The following CXorf58 variants were observed in gnomAD, a reference collection of about 807,000 sequenced individuals.
The protein encoded by CXorf58 is chromosome X open reading frame 58, also known as uncharacterized protein CXorf58.
CXorf58 carries 24 observed loss-of-function variants against 26.0 expected under a neutral mutation model. The ratio of observed to expected loss-of-function variants is 0.92; its 90% CI spans 0.67 to 1.30. CXorf58 has a LOEUF of 1.30. Among genes scored for constraint, CXorf58 ranks in the 50% most tolerant of loss-of-function variants. The pLI is 0.00. For missense variants in CXorf58, 236 were observed against 263.9 expected (o/e 0.89, Z 0.73); for synonymous variants, 87 against 86.1 (o/e 1.01, Z -0.06).
At chrX:23,925,590 C>T (rs779639093) in intron 5 of CXorf58, among the ~76,000 whole-genome samples, 17 of 108,670 alleles carry the variant, frequency 1.6e-4, no homozygotes, top group African/African-American at 1.0e-4. Context: ...TCAGGCGATC[C>T]GCCTGCCTCG....
Position 23,911,953 on chromosome X carries a change from C to CATTTTT in CXorf58, c.216+97_216+98insATTTTT. 9.0e-6 allele frequency: 4 copies of CATTTTT among 446,815 alleles called. No homozygotes were observed. The East Asian group carries it at 1.9e-4, about 21-fold the overall frequency. 36.8% of individuals were successfully genotyped at this position (446,815 alleles called of 1,213,427 possible). On this transcript the variant is annotated intron_variant, in intron 3 of 8. Coordinates refer to ENST00000379211, the MANE Select transcript of CXorf58 (RefSeq NM_152761.3). ...GAATAGATAACCTTCTTTATCTCCTCTTTTTTTTTTTTTTTTGAGAGGGAG... is the reference window on the plus strand; with the variant it reads ...GAATAGATAACCTTCTTTATCTCCTCATTTTTTTTTTTTTTTTTTTTTGAGAGGGAG...
At chrX:23,936,790 A>G (rs1261628122) in intron 7 of CXorf58, among the ~76,000 whole-genome samples, 1 of 111,835 alleles carries the variant, frequency 8.9e-6, no homozygotes. Flanking sequence ...GATCAAGGCT[A>G]TACATTTGCC....
intron 6 of CXorf58, among the ~76,000 whole-genome samples, chrX:23,930,113 C>T (rs149477289): frequency 0.033 from 3,004 of 92,412 alleles, 46 homozygotes; most frequent in Non-Finnish European, 0.047. Flanking sequence ...AGGAGAATGG[C>T]GTGAACCCAG....
chrX:23,916,585 T>C (rs893241138), intron 5 of CXorf58: 17 of 223,655 alleles, frequency 7.6e-5, no homozygotes, highest in Middle Eastern at 1.5e-3. Context: ...GTATTAAAAT[T>C]TTTATTTGTT....
intron 8 of CXorf58, 25 bp downstream of exon 8, chrX:23,938,725 A>G: frequency 9.5e-7 from 1 of 1,055,717 alleles, no homozygotes; most frequent in Non-Finnish European, 1.3e-6. Flanking sequence ...TACTGAATTC[A>G]TTGTTTTGGA....
chrX:23,911,872 A>G lies in CXorf58; in HGVS notation c.216+16A>G, dbSNP rs1260345897. On this transcript the variant is annotated intron_variant, in intron 3 of 8. Coordinates refer to ENST00000379211, the MANE Select transcript of CXorf58 (RefSeq NM_152761.3). The stretch of plus-strand genomic sequence containing the variant: ...TTGTGCAGCGGTATGTATTTTGCTT[A>G]TTTTTTTCTCTGAGGGATTTAATTA... 9.3e-7 allele frequency: 1 copy of G among 1,075,269 alleles called. No homozygotes were observed. The highest frequency in any genetic ancestry group is 1.3e-6 in the Non-Finnish European group (1 of 781,840). 88.6% of individuals were successfully genotyped at this position (1,075,269 alleles called of 1,213,427 possible).
At chrX:23,932,325 T>G (rs1453220998) in intron 6 of CXorf58, among the ~76,000 whole-genome samples, 1 of 112,225 alleles carries the variant, frequency 8.9e-6, no homozygotes, top group Non-Finnish European at 1.9e-5. Flanking sequence ...TTTATGTTGA[T>G]AAGTTCATCC....
In CXorf58 at chrX:23,937,402, CTTTTCTTTTCTTTT is replaced by C. The variant is rs1438457610; in HGVS notation, c.786-1126_786-1113del. 1.8e-3 allele frequency among the ~76,000 whole-genome samples: 190 copies of C among 106,115 alleles called. 1 individual carries two copies. The highest frequency in any genetic ancestry group is 2.0e-3 in the Non-Finnish European group (102 of 51,811). 92.1% of individuals were successfully genotyped at this position (106,115 alleles called of 115,157 possible). On this transcript the variant is annotated intron_variant, in intron 7 of 8. Transcript: ENST00000379211. ...TTGACCTCCCCTGCACATGGGCTTG[CTTTTCTTTTCTTTT>C]TTTTCTTTTCTTTTTTTTTTTTTTT...
At chrX:23,931,858 G>A (rs113577793) in intron 6 of CXorf58, among the ~76,000 whole-genome samples, 8,236 of 111,648 alleles carry the variant, frequency 0.074, 650 homozygotes, top group African/African-American at 0.23. Context: ...TTTGCTGTCT[G>A]TTATAAATAC....
intron 5 of CXorf58, among the ~76,000 whole-genome samples, chrX:23,921,133 T>C (rs1364385274): frequency 9.0e-6 from 1 of 111,261 alleles, no homozygotes; most frequent in Non-Finnish European, 1.9e-5. Flanking sequence ...ACTGAAATCC[T>C]CCTGGGTCTA....
At chrX:23,927,032 T>A (rs1256608173) in intron 5 of CXorf58, among the ~76,000 whole-genome samples, 1 of 111,250 alleles carries the variant, frequency 9.0e-6, no homozygotes, top group African/African-American at 3.3e-5. Flanking sequence ...AAAAAAAACC[T>A]ATGTAGATAA....
At chrX:23,921,828 A>G (rs1457508924) in intron 5 of CXorf58, among the ~76,000 whole-genome samples, 1 of 109,788 alleles carries the variant, frequency 9.1e-6, no homozygotes, top group African/African-American at 3.3e-5. Context: ...CCAGCTGAGT[A>G]GCTGGGATTA....
chrX:23,911,951 CTCTTT>C, intron 3 of CXorf58, 95 bp downstream of exon 3: 1 of 577,034 alleles, frequency 1.7e-6, no homozygotes, highest in Non-Finnish European at 2.7e-6. Context: ...TCTTTATCTC[CTCTTT>C]TTTTTTTTTT....
chrX:23,925,786 CTTT>C (rs11296283), intron 5 of CXorf58, among the ~76,000 whole-genome samples: 6 of 71,766 alleles, frequency 8.4e-5, no homozygotes, highest in African/African-American at 3.3e-4. Context: ...CTTTTCTTTT[CTTT>C]TTTTTTTTTT....
intron 2 of CXorf58, 133 bp downstream of exon 2, chrX:23,910,551 G>A (rs763427810): frequency 2.4e-6 from 1 of 417,409 alleles, no homozygotes; most frequent in African/African-American, 2.6e-5. Flanking sequence ...CTTTCAAATT[G>A]AGTAATTATA....
At chrX:23,907,933 G>T (rs1452760027), upstream of CXorf58, 1 of 360,456 alleles carries the variant, frequency 2.8e-6, no homozygotes, top group Non-Finnish European at 4.7e-6. Context: ...GCGGGTGAAC[G>T]CAAACCCCGC....
intron 5 of CXorf58, among the ~76,000 whole-genome samples, chrX:23,925,790 T>TC (rs1173234168): frequency 7.5e-5 from 7 of 93,303 alleles, no homozygotes; most frequent in African/African-American, 2.8e-4. Context: ...TCTTTTCTTT[T>TC]TTTTTTTTTT....
At chrX:23,936,181 G>A in intron 7 of CXorf58, among the ~76,000 whole-genome samples, 1 of 110,564 alleles carries the variant, frequency 9.0e-6, no homozygotes, top group South Asian at 3.9e-4. Context: ...GGCAGTGAGG[G>A]TGAGTTGGGG....
intron 8 of CXorf58, 128 bp downstream of exon 8, chrX:23,938,828 T>A: frequency 2.2e-6 from 1 of 457,069 alleles, no homozygotes; most frequent in Non-Finnish European, 3.6e-6. Context: ...GACACATTTA[T>A]CATAGGTAGT....
Sources: gnomAD v4.1 joint callset for allele counts (sites outside exome capture counted in the v4.1 genomes callset) on GRCh38, gnomAD v4.1.1 for gene constraint, MANE v1.5 for transcripts, NCBI Gene and HGNC (gene_info 2026-07-23, HGNC 2026-07-21) for gene names.